The following GGT5 variants were observed in gnomAD, a reference collection of about 807,000 sequenced individuals.
The protein encoded by GGT5 is gamma-glutamyltransferase 5.
A neutral mutation model predicts 58.1 loss-of-function variants in GGT5; 50 were observed. That is an observed-to-expected ratio of 0.86 (90% CI 0.69 to 1.09). The LOEUF is 1.09. Among genes scored for constraint, GGT5 ranks in the 50% least tolerant of loss-of-function variants. GGT5 has a pLI of 0.00. For missense variants in GGT5, 800 were observed against 789.4 expected (o/e 1.01, Z -0.16); for synonymous variants, 370 against 346.1 (o/e 1.07, Z -0.77).
intron 1 of GGT5, among the ~76,000 whole-genome samples, chr22:24,238,931 T>C (rs1175379516): frequency 1.1e-4 from 3 of 26,942 alleles, no homozygotes; most frequent in African/African-American, 3.9e-4. Context: ...ATATAATATA[T>C]ATTATATAAT....
In GGT5 at chr22:24,244,304, C is replaced by T. The variant is rs542832661; in HGVS notation, c.173+249G>A. ...CTGGGCCAGTGCACGTGCACACACA[C>T]ACACACACACACCCACCCACACATA... is the stretch of plus-strand genomic sequence containing the variant. On this transcript the variant is annotated intron_variant, in intron 1 of 11. Coordinates refer to ENST00000327365, the MANE Select transcript of GGT5 (RefSeq NM_004121.5). The T allele has an allele frequency of 1.7e-3, 822 of 479,104 alleles. 7 individuals are homozygous for T. In the African/African-American group the frequency reaches 0.018, roughly 10 times the overall value. 29.7% of individuals were successfully genotyped at this position (479,104 alleles called of 1,614,324 possible).
In GGT5 at chr22:24,219,934, G is replaced by A; in HGVS notation, c.*36C>T. The A allele has an allele frequency of 5.6e-6, 9 of 1,607,302 alleles. No homozygotes were observed. Among genetic ancestry groups the A allele is most frequent in the Non-Finnish European group, 7.7e-6 (9 of 1,174,678 alleles). The stretch of plus-strand genomic sequence containing the variant: ...GTCCGGCCTGGACACAGGACTCATG[G>A]TGGGGCCAGACTTCAGCTCTGGGCA... On this transcript the variant is annotated 3_prime_UTR_variant, in exon 12 of 12. Transcript: ENST00000327365.
chr22:24,238,882 TTATATATTTTATA>T (rs2048224541), intron 1 of GGT5, among the ~76,000 whole-genome samples: 7 of 9,624 alleles, frequency 7.3e-4, no homozygotes, highest in African/African-American at 4.8e-3. Context: ...ATAATATATA[TTATATATTTTATA>T]TATATATATA....
chr22:24,222,084 CAT>C (rs2047605776), intron 11 of GGT5, among the ~76,000 whole-genome samples: 2 of 152,010 alleles, frequency 1.3e-5, no homozygotes, highest in Non-Finnish European at 2.9e-5. Context: ...GAGGCTGAGA[CAT>C]GAGAATTGCT....
In GGT5 at chr22:24,225,639, C is replaced by G. The variant is rs529592678; in HGVS notation, c.1243G>C (p.Val415Leu). 6.0e-5 allele frequency: 97 copies of G among 1,609,360 alleles called. 2 individuals are homozygous for G. The East Asian group carries it at 2.1e-3, about 35-fold the overall frequency. Residue 415 changes from valine (V) to leucine (L), a missense_variant, in exon 9 of 12, where the codon GTG (valine) becomes CTG (leucine). By Grantham distance (32) the Val-to-Leu change is conservative. Transcript: ENST00000327365. ...STINTPFGAMVYSPRTGIILN... is the reference protein window; with the variant it reads ...STINTPFGAMLYSPRTGIILN... The stretch of plus-strand genomic sequence containing the variant: ...ATGATGCCTGTCCGTGGTGAATACA[C>G]CATCGCTCCAAAGCTGCAGCCGTGG...
At chr22:24,242,410 A>T (rs1348180463) in intron 1 of GGT5, 1 of 152,170 alleles carries the variant, frequency 6.6e-6, no homozygotes, top group African/African-American at 2.4e-5. Flanking sequence ...CATCCTGGCT[A>T]ACATGGTGAA....
Position 24,227,061 on chromosome 22 carries a change from T to A in GGT5, c.902-294A>T, listed in dbSNP as rs145578448. On this transcript the variant is annotated intron_variant, in intron 6 of 11. Coordinates refer to ENST00000327365, the MANE Select transcript of GGT5 (RefSeq NM_004121.5). ...CCTCCTGGGTTCAAGTGATTCTTGGTCCTTAGTCTCCTGAGTAGCTGAGAC... is the reference window on the plus strand; with the variant it reads ...CCTCCTGGGTTCAAGTGATTCTTGGACCTTAGTCTCCTGAGTAGCTGAGAC... Among the ~76,000 whole-genome samples, 347 of 150,232 alleles carry A rather than the reference T, an allele frequency of 2.3e-3. 3 individuals are homozygous for A. Among genetic ancestry groups the A allele is most frequent in the African/African-American group, 8.0e-3 (324 of 40,708 alleles).
intron 1 of GGT5, among the ~76,000 whole-genome samples, chr22:24,238,824 T>TATATTTATATATATATA (rs2048202929): frequency 8.5e-5 from 1 of 11,742 alleles, no homozygotes; most frequent in African/African-American, 6.2e-4. Context: ...TATATATATA[T>TATATTTATATATATATA]ATATATATTT....
At position 24,233,075 on chromosome 22, in the gene GGT5, C is replaced by T. The variant is rs1041574542; in HGVS notation, c.401-57G>A. 7 of 1,321,862 alleles carry T rather than the reference C, an allele frequency of 5.3e-6. No homozygotes were observed. The African/African-American group carries it at 9.0e-5, about 17-fold the overall frequency. 81.9% of individuals were successfully genotyped at this position (1,321,862 alleles called of 1,614,324 possible). On this transcript the variant is annotated intron_variant, in intron 3 of 11. Coordinates refer to ENST00000327365, the MANE Select transcript of GGT5 (RefSeq NM_004121.5). ...GGCTTCCAGGCCTTCCCAGGTTTGC[C>T]ATCACCCCTACATGTGGCCCCCCAG...
In GGT5 at chr22:24,232,965, G is replaced by C. The variant is rs775537028; in HGVS notation, c.454C>G (p.Arg152Gly). Residue 152 changes from arginine to glycine, a missense_variant, in exon 4 of 12, where the codon CGC becomes GGC. Physicochemically the swap from Arg to Gly is moderately radical, Grantham distance 125 (BLOSUM62 -2). Transcript: ENST00000327365. ...GCCCAGGGCAGGCGGCCATGGCGGCGGTGGGCCTCGGCATAGCCACGGAGC... is the reference window on the plus strand; with the variant it reads ...GCCCAGGGCAGGCGGCCATGGCGGCCGTGGGCCTCGGCATAGCCACGGAGC... ...GELRGYAEAH[R>G]RHGRLPWAQL... is the part of the protein sequence containing the mutation. The C allele has an allele frequency of 4.5e-6, 7 of 1,562,612 alleles. 1 individual carries two copies. The highest frequency in any genetic ancestry group is 6.1e-6 in the Non-Finnish European group (7 of 1,154,100).
chr22:24,225,119 T>C lies in GGT5; in HGVS notation c.1504-13A>G. On this transcript the variant is annotated splice_polypyrimidine_tract_variant and intron_variant, in intron 10 of 11. Transcript: ENST00000327365. ...TGCTCATGATGGCCTGGGGGAGAGATGAGGGTTTCAGGGAGAAAGGGGGCA... is the reference window on the plus strand; with the variant it reads ...TGCTCATGATGGCCTGGGGGAGAGACGAGGGTTTCAGGGAGAAAGGGGGCA... The C allele has an allele frequency of 1.9e-6, 3 of 1,598,632 alleles. No individual in the cohort carries two copies. The highest frequency in any genetic ancestry group is 1.3e-5 in the African/African-American group (1 of 74,576).
At position 24,232,947 on chromosome 22, in the gene GGT5, G is replaced by A. The variant is rs778893322; in HGVS notation, c.472C>T (p.Pro158Ser). 6.4e-7 allele frequency: 1 copy of A among 1,570,338 alleles called. No homozygotes were observed. The highest frequency in any genetic ancestry group is 1.2e-5 in the South Asian group (1 of 85,606). The change falls in exon 4 of 12, where the codon CCC (proline) becomes TCC (serine). Residue 158 changes from proline (P) to serine (S), a missense_variant. Transcript: ENST00000327365. Reference protein sequence around the residue: ...AEAHRRHGRLPWAQLFQPTIA... With the variant: ...AEAHRRHGRLSWAQLFQPTIA... ...GTGGGCTGGAACAGCTGCGCCCAGG[G>A]CAGGCGGCCATGGCGGCGGTGGGCC...
In GGT5 at chr22:24,219,912, C is replaced by G; in HGVS notation, c.*58G>C. 6.4e-7 allele frequency: 1 copy of G among 1,561,308 alleles called. No individual in the cohort carries two copies. Among genetic ancestry groups the G allele is most frequent in the Non-Finnish European group, 8.8e-7 (1 of 1,137,466 alleles). ...GAGTAGTTGGTCCCCCAGCCATGTC[C>G]GGCCTGGACACAGGACTCATGGTGG... On this transcript the variant is annotated 3_prime_UTR_variant, in exon 12 of 12. Transcript: ENST00000327365.
chr22:24,239,199 C>T (rs1184953203), intron 1 of GGT5, among the ~76,000 whole-genome samples: 10 of 150,296 alleles, frequency 6.7e-5, no homozygotes, highest in Non-Finnish European at 1.2e-4. Context: ...ATTAGCCAGG[C>T]GTGGTGGCGG....
At position 24,231,537 on chromosome 22, in the gene GGT5, TGAG is replaced by T. The variant is rs1336254272; in HGVS notation, c.755-10_755-8del. On this transcript the variant is annotated splice_region_variant and splice_polypyrimidine_tract_variant and intron_variant, in intron 5 of 11. Coordinates refer to ENST00000327365, the MANE Select transcript of GGT5 (RefSeq NM_004121.5). ...TGCAGCGTCAGCTGGCTCCCTGGGATGAGAAGGAGAGGGCTCCATGAACAGATG... is the reference window on the plus strand; with the variant it reads ...TGCAGCGTCAGCTGGCTCCCTGGGATAAGGAGAGGGCTCCATGAACAGATG... 6.3e-7 allele frequency: 1 copy of T among 1,587,602 alleles called. No homozygotes were observed. The highest frequency in any genetic ancestry group is 2.3e-5 in the East Asian group (1 of 43,300).
At chr22:24,225,466 G>A in intron 9 of GGT5, 55 bp from the exon 10 acceptor site, 6 of 1,597,354 alleles carry the variant, frequency 3.8e-6, no homozygotes, top group Non-Finnish European at 5.1e-6. Flanking sequence ...GGGTTAGCAT[G>A]CAACCCCAGC....
chr22:24,226,571 G>C, intron 7 of GGT5, 60 bp downstream of exon 7: 1 of 1,573,246 alleles, frequency 6.4e-7, no homozygotes, highest in East Asian at 2.2e-5. Context: ...CTCATTTCAT[G>C]CCAAGTCCTG....
Position 24,233,524 on chromosome 22 carries a change from C to T in GGT5, c.374G>A (p.Cys125Tyr). The T allele has an allele frequency of 1.2e-6, 2 of 1,608,046 alleles. No homozygotes were observed. The highest frequency in any genetic ancestry group is 8.5e-7 in the Non-Finnish European group (1 of 1,178,110). Residue 125 changes from cysteine to tyrosine, a missense_variant, in exon 3 of 12, where the codon TGT becomes TAT. Transcript: ENST00000327365. The stretch of plus-strand genomic sequence containing the variant: ...TGTGCCCAGTGGCAGAGCCTGTGCA[C>T]ACTGGTCCAGCAGGCTCGGGGCGTG... The part of the protein sequence containing the change: ...ASHAPSLLDQ[C>Y]AQALPLGTGA...
chr22:24,224,788 C>T (rs1181457335), intron 11 of GGT5, among the ~76,000 whole-genome samples: 1 of 152,226 alleles, frequency 6.6e-6, no homozygotes, highest in African/African-American at 2.4e-5. Flanking sequence ...ATAGACAATA[C>T]CCTGCTCTCT....
Sources: gnomAD v4.1 joint callset for allele counts (sites outside exome capture counted in the v4.1 genomes callset) on GRCh38, gnomAD v4.1.1 for gene constraint, MANE v1.5 for transcripts, NCBI Gene and HGNC (gene_info 2026-07-23, HGNC 2026-07-21) for gene names.